EPS15: variants seen among roughly 807,000 people sequenced by gnomAD.
EPS15 encodes the protein epidermal growth factor receptor substrate 15.
Under a neutral mutation model 113.8 loss-of-function variants are expected in EPS15, and 72 were observed. That is an observed-to-expected ratio of 0.63 (90% CI 0.52 to 0.77). The LOEUF is 0.77. EPS15 is among the 30% of genes least tolerant of loss of function. The pLI is 0.00. For synonymous variants in EPS15, 344 were observed against 363.4 expected, an observed-to-expected ratio of 0.95 and a Z score of 0.61; for missense variants, 1,048 against 1,045.8, an observed-to-expected ratio of 1.00 and a Z score of -0.03.
In EPS15 at chr1:51,422,290, G is replaced by A. The variant is rs193148829; in HGVS notation, c.1041-432C>T. Among the ~76,000 whole-genome samples, 33 of 152,180 alleles carry A rather than the reference G, an allele frequency of 2.2e-4. No homozygotes were observed. The East Asian group carries it at 6.0e-3, about 28-fold the overall frequency. On this transcript the variant is annotated intron_variant, in intron 12 of 24. Coordinates refer to ENST00000371733, the MANE Select transcript of EPS15 (RefSeq NM_001981.3). ...AATAAAAACAGTCAACAATACTAAG[G>A]AAAAAGACATTTACTGAAGTGTTAA...
chr1:51,477,815 G>T (rs528220120), intron 2 of EPS15, among the ~76,000 whole-genome samples: 1 of 152,324 alleles, frequency 6.6e-6, no homozygotes, highest in African/African-American at 2.4e-5. Context: ...TGTGGTCTGA[G>T]AGACAGTTTG....
chr1:51,459,618 T>C (rs1025417309), intron 8 of EPS15, among the ~76,000 whole-genome samples: 1 of 152,160 alleles, frequency 6.6e-6, no homozygotes, highest in Non-Finnish European at 1.5e-5. Context: ...GGTCATAAAC[T>C]TGGCAACAAA....
chr1:51,485,575 A>T (rs1644105075), intron 1 of EPS15, among the ~76,000 whole-genome samples: 1 of 152,162 alleles, frequency 6.6e-6, no homozygotes, highest in Non-Finnish European at 1.5e-5. Context: ...AAAAAAACAA[A>T]CAAACAAACA....
chr1:51,390,381 T>A (rs1275451124), intron 21 of EPS15, among the ~76,000 whole-genome samples: 260 of 152,118 alleles, frequency 1.7e-3, no homozygotes, highest in African/African-American at 6.0e-3. Flanking sequence ...AACCTAGGCA[T>A]CACCATTCAG....
Position 51,356,326 on chromosome 1 carries a change from T to G in EPS15, c.*374A>C. On this transcript the variant is annotated 3_prime_UTR_variant, in exon 25 of 25. Transcript: ENST00000371733. ...CAAACTTTAAGAACCTCACTGGCTA[T>G]CATCAGAATAACTACAGAACAGGGT... The G allele has an allele frequency of 4.3e-6, 1 of 232,862 alleles. No homozygotes were observed. Among genetic ancestry groups the G allele is most frequent in the East Asian group, 6.3e-5 (1 of 15,928 alleles). The allele number at this position is 232,862 out of a possible 1,614,324, so 14.4% of individuals were successfully genotyped here. A position where few individuals can be genotyped will look rare whatever the true frequency, so the allele number is the denominator to read the frequency against.
Position 51,363,891 on chromosome 1 carries a change from T to A in EPS15, c.2334A>T (p.Pro778=). 1 of 1,613,312 alleles carries A rather than the reference T, an allele frequency of 6.2e-7. No individual in the cohort carries two copies. The highest frequency in any genetic ancestry group is 8.5e-7 in the Non-Finnish European group (1 of 1,179,584). ...CAGGTGGTAGAGGGCAGGGTCTTGT[T>A]GGAGTTCCGATCTTTGGTGGCAGTG... ...PPALPPKIGT[P]TRPCPLPPGK... The change falls in exon 23 of 25, where the codon CCA becomes CCT. Residue 778 remains proline, a synonymous_variant. Transcript: ENST00000371733.
chr1:51,364,416 G>A (rs1052617827), intron 22 of EPS15, among the ~76,000 whole-genome samples: 9 of 152,068 alleles, frequency 5.9e-5, no homozygotes, highest in African/African-American at 1.2e-4. Flanking sequence ...GATTCCATAC[G>A]TCCTAATGAA....
intron 6 of EPS15, among the ~76,000 whole-genome samples, 169 bp downstream of exon 6, chr1:51,465,092 C>A (rs146247878): frequency 5.6e-4 from 86 of 152,284 alleles, no homozygotes; most frequent in Non-Finnish European, 1.0e-3. Flanking sequence ...TGTCACAAAA[C>A]AACTGACAGA....
intron 12 of EPS15, among the ~76,000 whole-genome samples, chr1:51,427,819 G>A (rs1209487335): frequency 1.3e-5 from 2 of 152,168 alleles, no homozygotes; most frequent in African/African-American, 4.8e-5. Flanking sequence ...TGGCAAAACA[G>A]CAGTAAGAAG....
intron 12 of EPS15, among the ~76,000 whole-genome samples, chr1:51,433,181 G>A (rs533626509): frequency 3.3e-5 from 5 of 152,302 alleles, no homozygotes; most frequent in Admixed American, 1.3e-4. Flanking sequence ...TGGCTACATA[G>A]TTCCATTCAC....
At chr1:51,468,671 T>C in intron 4 of EPS15, 103 bp from the exon 5 acceptor site, 1 of 738,366 alleles carries the variant, frequency 1.4e-6, no homozygotes, top group Non-Finnish European at 2.3e-6. Flanking sequence ...TCATAATTAC[T>C]ACAGAGGTCT....
intron 1 of EPS15, among the ~76,000 whole-genome samples, chr1:51,508,343 AG>A (rs1644554986): frequency 9.8e-6 from 1 of 101,668 alleles, no homozygotes; most frequent in Admixed American, 1.1e-4. Flanking sequence ...AAAGAGAGAA[AG>A]AAAGAAAGAA....
intron 13 of EPS15, among the ~76,000 whole-genome samples, chr1:51,421,373 C>G (rs1650736016): frequency 6.6e-6 from 1 of 152,032 alleles, no homozygotes; most frequent in East Asian, 1.9e-4. Flanking sequence ...GGTCTCCTAG[C>G]TAACAAAAAC....
At chr1:51,425,407 T>C (rs1415846090) in intron 12 of EPS15, among the ~76,000 whole-genome samples, 3 of 152,184 alleles carry the variant, frequency 2.0e-5, no homozygotes, top group African/African-American at 4.8e-5. Context: ...AATTCCAATA[T>C]TATCAAAGAC....
intron 5 of EPS15, among the ~76,000 whole-genome samples, chr1:51,467,949 ATAAG>A (rs1357645372): frequency 6.6e-6 from 1 of 151,916 alleles, no homozygotes; most frequent in Admixed American, 6.6e-5. Context: ...AAATAAGAAA[ATAAG>A]TATTTATATA....
intron 1 of EPS15, among the ~76,000 whole-genome samples, chr1:51,512,987 C>T (rs963195881): frequency 1.3e-5 from 2 of 151,634 alleles, no homozygotes; most frequent in African/African-American, 4.9e-5. Context: ...CACCACCATG[C>T]CCAGCTAATT....
chr1:51,426,912 C>CAT (rs898067078), intron 12 of EPS15, among the ~76,000 whole-genome samples: 21 of 150,018 alleles, frequency 1.4e-4, no homozygotes, highest in Non-Finnish European at 4.4e-5. Flanking sequence ...TATATACATA[C>CAT]ATATATATAC....
chr1:51,355,711 A>T lies in EPS15; in HGVS notation c.*989T>A, dbSNP rs2148332414. ...TTACATTTCAAGTAAATGAGCCTTCATTAAAAAAAAAAAAACAAATATATA... is the reference window on the plus strand; with the variant it reads ...TTACATTTCAAGTAAATGAGCCTTCTTTAAAAAAAAAAAAACAAATATATA... On this transcript the variant is annotated 3_prime_UTR_variant, in exon 25 of 25. Transcript: ENST00000371733. The T allele has an allele frequency of 5.4e-6, 1 of 184,218 alleles. No individual in the cohort carries two copies. Among genetic ancestry groups the T allele is most frequent in the East Asian group, 8.6e-5 (1 of 11,660 alleles). The allele number at this position is 184,218 out of a possible 1,614,324, so 11.4% of individuals were successfully genotyped here.
chr1:51,473,950 T>C (rs1253287149), intron 2 of EPS15, among the ~76,000 whole-genome samples: 2 of 152,192 alleles, frequency 1.3e-5, no homozygotes, highest in East Asian at 3.8e-4. Flanking sequence ...GAAACCTGCC[T>C]GTAGAATTCT....
Sources: allele counts gnomAD v4.1 joint callset (sites outside exome capture counted in the v4.1 genomes callset), GRCh38; gene constraint gnomAD v4.1.1; transcripts MANE v1.5; gene names NCBI Gene and HGNC (gene_info 2026-07-23, HGNC 2026-07-21).